Variants in SLIT3 observed in about 807,000 individuals in gnomAD.
The protein encoded by SLIT3 is slit homolog 3 protein.
Under a neutral mutation model 184.0 loss-of-function variants are expected in SLIT3, and 68 were observed. The observed-to-expected ratio is 0.37, with a 90% CI of 0.30 to 0.45. The LOEUF is 0.45. SLIT3 is among the 20% of genes least tolerant of loss of function. The pLI is 1.00. For synonymous variants in SLIT3, 831 were observed against 828.6 expected, an observed-to-expected ratio of 1.00 and a Z score of -0.05; for missense variants, 1,707 against 2,026.0, an observed-to-expected ratio of 0.84 and a Z score of 3.02.
intron 20 of SLIT3, among the ~76,000 whole-genome samples, chr5:168,729,100 A>G (rs1259222677): frequency 1.3e-5 from 2 of 152,154 alleles, no homozygotes; most frequent in Admixed American, 1.3e-4. Context: ...AAATAAGGAA[A>G]AAAGAATAAA....
At chr5:169,077,618 G>A (rs531913513) in intron 4 of SLIT3, among the ~76,000 whole-genome samples, 1 of 152,172 alleles carries the variant, frequency 6.6e-6, no homozygotes, top group South Asian at 2.1e-4. Flanking sequence ...TATCAGTAAG[G>A]CTTCTGATCA....
At chr5:168,977,896 A>C (rs1158017172) in intron 4 of SLIT3, among the ~76,000 whole-genome samples, 1 of 152,180 alleles carries the variant, frequency 6.6e-6, no homozygotes, top group African/African-American at 2.4e-5. Flanking sequence ...GATCTTGTCT[A>C]CACCTCTTCT....
At chr5:168,934,035 C>T (rs941396363) in intron 4 of SLIT3, among the ~76,000 whole-genome samples, 2 of 152,154 alleles carry the variant, frequency 1.3e-5, no homozygotes, top group South Asian at 2.1e-4. Flanking sequence ...TCTAACAGGC[C>T]GTGGTGGCTC....
At chr5:169,286,751 C>T (rs1375224274) in intron 1 of SLIT3, among the ~76,000 whole-genome samples, 1 of 152,224 alleles carries the variant, frequency 6.6e-6, no homozygotes, top group African/African-American at 2.4e-5. Context: ...CCCCACACAA[C>T]TACACACAGT....
chr5:168,828,624 C>T (rs1371052538), intron 6 of SLIT3, among the ~76,000 whole-genome samples: 2 of 140,098 alleles, frequency 1.4e-5, no homozygotes, highest in Admixed American at 1.5e-4. Flanking sequence ...CATGCCATTG[C>T]ACTCAGCCTG....
chr5:168,821,620 G>A (rs1581117204), intron 7 of SLIT3, among the ~76,000 whole-genome samples: 1 of 152,324 alleles, frequency 6.6e-6, no homozygotes, highest in South Asian at 2.1e-4. Flanking sequence ...TTTTCAATGA[G>A]GGATCCAGGA....
intron 4 of SLIT3, among the ~76,000 whole-genome samples, chr5:169,187,555 C>CTTTTTTTT (rs796812191): frequency 3.4e-5 from 3 of 89,048 alleles, no homozygotes; most frequent in African/African-American, 5.3e-5. Flanking sequence ...TTCTTTCTTT[C>CTTTTTTTT]TTTCTTTTTT....
chr5:169,155,426 C>T (rs147773693), intron 4 of SLIT3, among the ~76,000 whole-genome samples: 1 of 152,150 alleles, frequency 6.6e-6, no homozygotes, highest in African/African-American at 2.4e-5. Flanking sequence ...TTATTGAAAA[C>T]CCCACTGCCC....
intron 4 of SLIT3, among the ~76,000 whole-genome samples, chr5:169,061,429 A>G (rs1302734600): frequency 2.6e-5 from 4 of 152,216 alleles, no homozygotes; most frequent in Admixed American, 6.5e-5. Context: ...TCAATCAGCC[A>G]TAACTATGAA....
chr5:169,089,685 T>G (rs920634752), intron 4 of SLIT3, among the ~76,000 whole-genome samples: 1 of 152,170 alleles, frequency 6.6e-6, no homozygotes, highest in African/African-American at 2.4e-5. Context: ...CTTCTCCTCC[T>G]CAGGGAGCCC....
At chr5:169,235,352 G>A (rs971505803) in intron 3 of SLIT3, among the ~76,000 whole-genome samples, 6 of 151,978 alleles carry the variant, frequency 3.9e-5, no homozygotes, top group South Asian at 2.1e-4. Flanking sequence ...TATTTTGCTC[G>A]TAAGTCTGTA....
chr5:169,173,851 G>T (rs1238700818), intron 4 of SLIT3, among the ~76,000 whole-genome samples: 4 of 152,150 alleles, frequency 2.6e-5, no homozygotes, highest in African/African-American at 9.7e-5. Context: ...TCCAGTCTCT[G>T]TATGCCTAGA....
intron 5 of SLIT3, among the ~76,000 whole-genome samples, chr5:168,852,296 T>C (rs1310806187): frequency 2.0e-5 from 3 of 152,256 alleles, no homozygotes; most frequent in African/African-American, 7.2e-5. Context: ...ACTCTGTTTT[T>C]CTAAATCACC....
intron 13 of SLIT3, 40 bp downstream of exon 13, chr5:168,774,195 C>T (rs774765871): frequency 1.3e-5 from 21 of 1,562,146 alleles, no homozygotes; most frequent in Non-Finnish European, 1.6e-5. Flanking sequence ...GGGTCTCCTG[C>T]TGCTTGGGCA....
intron 4 of SLIT3, among the ~76,000 whole-genome samples, chr5:168,933,748 T>C (rs1005762707): frequency 2.0e-5 from 3 of 152,132 alleles, no homozygotes; most frequent in Admixed American, 1.3e-4. Context: ...ATAATCTTGG[T>C]TGAGACCCTG....
intron 4 of SLIT3, among the ~76,000 whole-genome samples, chr5:168,979,486 C>T (rs1343522674): frequency 2.0e-5 from 3 of 152,226 alleles, no homozygotes; most frequent in African/African-American, 2.4e-5. Context: ...CCAGGAGGAA[C>T]TCCTTTTTTT....
chr5:168,714,063 G>A (rs1205000102), intron 23 of SLIT3, among the ~76,000 whole-genome samples: 1 of 152,206 alleles, frequency 6.6e-6, no homozygotes, highest in African/African-American at 2.4e-5. Context: ...TTCTCAGGGT[G>A]AAAGTGAGCC....
chr5:168,746,214 G>A (rs1763794468), intron 20 of SLIT3, among the ~76,000 whole-genome samples: 1 of 152,108 alleles, frequency 6.6e-6, no homozygotes, highest in Non-Finnish European at 1.5e-5. Flanking sequence ...AAAAGGGGAT[G>A]TGCATGGGGC....
chr5:169,084,343 G>A (rs376600567), intron 4 of SLIT3, among the ~76,000 whole-genome samples: 16 of 149,678 alleles, frequency 1.1e-4, no homozygotes, highest in African/African-American at 3.7e-4. Flanking sequence ...GGGATGCAAT[G>A]GCGCGATCGT....
Sources: allele counts gnomAD v4.1 joint callset (sites outside exome capture counted in the v4.1 genomes callset), GRCh38; gene constraint gnomAD v4.1.1; transcripts MANE v1.5; gene names NCBI Gene and HGNC (gene_info 2026-07-23, HGNC 2026-07-21).